The following MSI2 variants were observed in gnomAD, a reference collection of about 807,000 sequenced individuals.
MSI2 encodes the protein RNA-binding protein Musashi homolog 2.
Under a neutral mutation model 45.6 loss-of-function variants are expected in MSI2, and 17 were observed. The ratio of observed to expected loss-of-function variants is 0.37; its 90% CI spans 0.26 to 0.56. MSI2 has a LOEUF of 0.56. Ranked by LOEUF, MSI2 falls within the 20% of genes least tolerant of loss-of-function variation. The pLI is 0.77. For missense variants in MSI2, 293 were observed against 444.2 expected (o/e 0.66, Z 3.06); for synonymous variants, 156 against 158.2 (o/e 0.99, Z 0.11).
intron 11 of MSI2, among the ~76,000 whole-genome samples, chr17:57,669,883 G>A (rs897128869): frequency 6.6e-6 from 1 of 152,170 alleles, no homozygotes; most frequent in African/African-American, 2.4e-5. Flanking sequence ...AATGTACCAG[G>A]GGCCACTGCG....
At chr17:57,590,198 G>A (rs138415507) in intron 7 of MSI2, among the ~76,000 whole-genome samples, 22 of 152,122 alleles carry the variant, frequency 1.4e-4, no homozygotes, top group African/African-American at 4.8e-4. Flanking sequence ...TTTCACTGAA[G>A]ATGCATTAGA....
intron 5 of MSI2, among the ~76,000 whole-genome samples, chr17:57,399,233 A>G (rs764529737): frequency 6.6e-6 from 1 of 152,250 alleles, no homozygotes; most frequent in Non-Finnish European, 1.5e-5. Flanking sequence ...AATTTTTCAC[A>G]TGCACTATCT....
chr17:57,649,176 C>G (rs1209550951), intron 10 of MSI2, among the ~76,000 whole-genome samples: 8 of 152,098 alleles, frequency 5.3e-5, no homozygotes, highest in African/African-American at 4.8e-5. Flanking sequence ...CTACATATAC[C>G]CAACACATGT....
rs570169955 is a variant in MSI2, at chr17:57,596,616, C to T, written c.455-252C>T. On this transcript the variant is annotated intron_variant, in intron 7 of 13. Transcript: ENST00000284073. The surrounding 1 kb of genome is among the most constrained non-coding windows in gnomAD (Gnocchi z 4.6). ...AGACAAGTAAATTTCTTGTTTGCTT[C>T]GGGGCAAATGTAAACCACACAGTGC... 6.6e-5 allele frequency among the ~76,000 whole-genome samples: 10 copies of T among 152,204 alleles called. No homozygotes were observed. The highest frequency in any genetic ancestry group is 1.7e-4 in the African/African-American group (7 of 41,454).
intron 6 of MSI2, among the ~76,000 whole-genome samples, chr17:57,440,291 C>A (rs929842420): frequency 6.6e-6 from 1 of 152,082 alleles, no homozygotes; most frequent in African/African-American, 2.4e-5. Flanking sequence ...CCCCTCATTC[C>A]CTTTGAAATA....
chr17:57,672,432 G>A (rs1014832001), intron 11 of MSI2, among the ~76,000 whole-genome samples: 2 of 152,166 alleles, frequency 1.3e-5, no homozygotes, highest in Non-Finnish European at 2.9e-5. Flanking sequence ...CCTGCAGAAG[G>A]GGGTATTTCT....
chr17:57,571,969 C>T (rs956535720), intron 7 of MSI2, among the ~76,000 whole-genome samples: 17 of 152,144 alleles, frequency 1.1e-4, no homozygotes, highest in Non-Finnish European at 1.9e-4. Context: ...TTCTCCAGAC[C>T]CCTAAGGAAG....
chr17:57,690,596 G>A, the MSI2 span, among the ~76,000 whole-genome samples: 1 of 152,172 alleles, frequency 6.6e-6, no homozygotes, highest in East Asian at 1.9e-4. Context: ...TCCAGCCTAG[G>A]TGACAGTGCA....
chr17:57,532,578 T>C (rs1015622104), intron 7 of MSI2, among the ~76,000 whole-genome samples: 5 of 152,214 alleles, frequency 3.3e-5, no homozygotes, highest in Non-Finnish European at 7.3e-5. Flanking sequence ...ACAGATCATA[T>C]ATATGGAGCG....
chr17:57,451,294 G>T (rs2085014525), intron 6 of MSI2, among the ~76,000 whole-genome samples: 2 of 152,140 alleles, frequency 1.3e-5, no homozygotes, highest in South Asian at 4.2e-4. Flanking sequence ...GCATGTGTGT[G>T]GGTGCACATT....
intron 6 of MSI2, among the ~76,000 whole-genome samples, chr17:57,477,172 G>A (rs1452403389): frequency 4.0e-5 from 6 of 149,332 alleles, no homozygotes; most frequent in African/African-American, 1.2e-4. Context: ...GTGTGTGTGT[G>A]TGTGTGTGTG....
At chr17:57,268,588 A>G (rs1462210671) in intron 5 of MSI2, 1 of 151,922 alleles carries the variant, frequency 6.6e-6, no homozygotes, top group East Asian at 1.9e-4. Flanking sequence ...CTGTAATCCC[A>G]ACACTTTGGG....
chr17:57,347,583 A>G (rs984553817), intron 5 of MSI2, among the ~76,000 whole-genome samples: 1 of 152,080 alleles, frequency 6.6e-6, no homozygotes, highest in Non-Finnish European at 1.5e-5. Flanking sequence ...GTTGAAACCC[A>G]TGGTACTTAT....
At chr17:57,290,066 T>A (rs963256342) in intron 5 of MSI2, among the ~76,000 whole-genome samples, 2 of 152,194 alleles carry the variant, frequency 1.3e-5, no homozygotes, top group Non-Finnish European at 2.9e-5. Context: ...AGCCCATGGT[T>A]GACAGCATGG....
At position 57,262,244 on chromosome 17, in the gene MSI2, G is replaced by T. The variant is rs368855513; in HGVS notation, c.312+52G>T. 3.1e-6 allele frequency: 5 copies of T among 1,588,158 alleles called. No homozygotes were observed. In the African/African-American group the frequency reaches 5.4e-5, roughly 17 times the overall value. On this transcript the variant is annotated intron_variant, in intron 5 of 13. Transcript: ENST00000284073. ...TTTAGCACTCAGAGATGATTGCCAA[G>T]AATTTCAAATTTCAAACAGCATTGG...
Position 57,539,827 on chromosome 17 carries a change from A to T in MSI2, c.454+10103A>T, listed in dbSNP as rs141397154. 2.6e-4 allele frequency among the ~76,000 whole-genome samples: 39 copies of T among 152,356 alleles called. No individual in the cohort carries two copies. In the East Asian group the frequency reaches 7.3e-3, roughly 29 times the overall value. On this transcript the variant is annotated intron_variant, in intron 7 of 13. Transcript: ENST00000284073. ...GGGAGGTCCTCCATCCCAGGAGCTC[A>T]AAGTGCTTCGTAATTCAAGTTTAAA...
intron 5 of MSI2, among the ~76,000 whole-genome samples, chr17:57,276,857 G>A (rs1423550412): frequency 6.6e-6 from 1 of 151,998 alleles, no homozygotes; most frequent in African/African-American, 2.4e-5. Context: ...AGGTTTCCTG[G>A]CTCCCAAGTT....
chr17:57,397,788 A>G (rs1398431860), intron 5 of MSI2, among the ~76,000 whole-genome samples: 1 of 152,168 alleles, frequency 6.6e-6, no homozygotes, highest in Admixed American at 6.5e-5. Context: ...CCCTTCTCCT[A>G]AAGCCGAGAC....
rs559567927 is a variant in MSI2, at chr17:57,402,813, C to T, written c.405+1342C>T. On this transcript the variant is annotated intron_variant, in intron 6 of 13. Coordinates refer to ENST00000284073, the MANE Select transcript of MSI2 (RefSeq NM_138962.4). ...TCCAGGTTGGTTTTGAAAAGGCCTC[C>T]CCCATGGCCCTTTCTGGTATTGTCA... Among the ~76,000 whole-genome samples the T allele has an allele frequency of 2.0e-3, 311 of 152,298 alleles. 4 individuals are homozygous for T. The highest frequency in any genetic ancestry group is 3.2e-4 in the Non-Finnish European group (22 of 68,028).
Sources: gnomAD v4.1 joint callset for allele counts (sites outside exome capture counted in the v4.1 genomes callset) on GRCh38, gnomAD v4.1.1 for gene constraint, Gnocchi (gnomAD v3.1) non-coding constraint, MANE v1.5 for transcripts, NCBI Gene and HGNC (gene_info 2026-07-23, HGNC 2026-07-21) for gene names.